Variants in MCPH1 observed in about 807,000 individuals in gnomAD.
MCPH1 encodes the protein microcephalin.
Under a neutral mutation model 84.5 loss-of-function variants are expected in MCPH1, and 104 were observed. That is an observed-to-expected ratio of 1.23 (90% CI 1.05 to 1.45). The LOEUF is 1.45. Ranked by LOEUF, MCPH1 falls within the 40% of genes most tolerant of loss-of-function variation. MCPH1 has a pLI of 0.00. For synonymous variants in MCPH1, 514 were observed against 366.8 expected, an observed-to-expected ratio of 1.40 and a Z score of -4.58; for missense variants, 1,498 against 1,005.7, an observed-to-expected ratio of 1.49 and a Z score of -6.62.
At chr8:6,632,186 A>T (rs888107813) in intron 13 of MCPH1, among the ~76,000 whole-genome samples, 1 of 152,222 alleles carries the variant, frequency 6.6e-6, no homozygotes, top group Non-Finnish European at 1.5e-5. Context: ...GTAGGCAGGA[A>T]GGGAGTGGAG....
intron 13 of MCPH1, among the ~76,000 whole-genome samples, chr8:6,638,564 C>G (rs930567000): frequency 2.0e-5 from 3 of 148,978 alleles, no homozygotes; most frequent in African/African-American, 7.5e-5. Flanking sequence ...CTGCTAAATA[C>G]TGTTGCTTAC....
chr8:6,625,522 A>T (rs1831978111), intron 13 of MCPH1: 1 of 981,302 alleles, frequency 1.0e-6, no homozygotes, highest in South Asian at 4.7e-5. Flanking sequence ...ATCGAAAAAG[A>T]AGTTATTTTG....
At chr8:6,458,843 A>T (rs1202098923) in intron 9 of MCPH1, among the ~76,000 whole-genome samples, 1 of 152,040 alleles carries the variant, frequency 6.6e-6, no homozygotes, top group African/African-American at 2.4e-5. Flanking sequence ...ATGGGGTTTC[A>T]CCATGTTGAC....
Position 6,444,639 on chromosome 8 carries a change from T to C in MCPH1, c.917T>C (p.Ile306Thr), listed in dbSNP as rs750948391. The change falls in exon 8 of 14, where the codon ATT becomes ACT. Residue 306 changes from isoleucine to threonine, a missense_variant. Physicochemically the swap from Ile to Thr is moderately conservative, Grantham distance 89. Coordinates refer to ENST00000344683, the MANE Select transcript of MCPH1 (RefSeq NM_024596.5). ...GAAGAAATAAACTTGCAAAGAAATA[T>C]TGCAGGTAAAGTAGTCACCCCTGAC... ...SKEEINLQRN[I>T]AGKVVTPDQK... 3.1e-6 allele frequency: 5 copies of C among 1,614,110 alleles called. No individual in the cohort carries two copies. The highest frequency in any genetic ancestry group is 4.2e-6 in the Non-Finnish European group (5 of 1,180,038).
chr8:6,506,735 G>A (rs1340842147), intron 12 of MCPH1, among the ~76,000 whole-genome samples: 1 of 151,032 alleles, frequency 6.6e-6, no homozygotes, highest in Middle Eastern at 3.2e-3. Flanking sequence ...GAGGACCTGT[G>A]GTACCAAATA....
At chr8:6,625,796 A>C (rs1330046767) in intron 13 of MCPH1, 3 of 985,092 alleles carry the variant, frequency 3.0e-6, no homozygotes, top group Non-Finnish European at 3.6e-6. Flanking sequence ...AAAAGAAAAA[A>C]AAAAGAATCA....
intron 12 of MCPH1, among the ~76,000 whole-genome samples, chr8:6,598,508 G>C (rs915733051): frequency 6.6e-6 from 1 of 152,224 alleles, no homozygotes; most frequent in Non-Finnish European, 1.5e-5. Flanking sequence ...CGGCCCACCA[G>C]CTCCGCAGAG....
intron 8 of MCPH1, among the ~76,000 whole-genome samples, chr8:6,449,573 C>T (rs1014272397): frequency 7.9e-5 from 12 of 151,392 alleles, no homozygotes; most frequent in African/African-American, 2.7e-4. Context: ...ACAGAGGTTG[C>T]GGTGAGCCGA....
chr8:6,612,549 A>G (rs1450304327), intron 12 of MCPH1, among the ~76,000 whole-genome samples: 3 of 152,060 alleles, frequency 2.0e-5, no homozygotes, highest in African/African-American at 4.8e-5. Flanking sequence ...GCATGTCCTC[A>G]TCCCTGCAGC....
intron 12 of MCPH1, among the ~76,000 whole-genome samples, chr8:6,591,405 T>C (rs1828441245): frequency 1.3e-5 from 2 of 152,210 alleles, no homozygotes; most frequent in Admixed American, 1.3e-4. Flanking sequence ...TGATAAGCCC[T>C]GGTAACGTGA....
chr8:6,633,891 A>G (rs546831926), intron 13 of MCPH1, among the ~76,000 whole-genome samples: 40 of 152,310 alleles, frequency 2.6e-4, no homozygotes, highest in African/African-American at 9.4e-4. Context: ...GATCAGAAAA[A>G]GAGGAATAAT....
chr8:6,582,248 C>T (rs66817215), intron 12 of MCPH1, among the ~76,000 whole-genome samples: 32,091 of 152,166 alleles, frequency 0.21, 3,470 homozygotes, highest in Non-Finnish European at 0.24. Context: ...GCCTTGCATA[C>T]ACAAAGTGCT....
intron 8 of MCPH1, among the ~76,000 whole-genome samples, chr8:6,447,778 C>T (rs2920673): frequency 0.037 from 5,689 of 152,166 alleles, 315 homozygotes; most frequent in African/African-American, 0.12. Flanking sequence ...CTTGAACTCG[C>T]GACCTCATGA....
chr8:6,544,822 C>A (rs914267486), intron 12 of MCPH1, among the ~76,000 whole-genome samples: 1 of 152,136 alleles, frequency 6.6e-6, no homozygotes, highest in African/African-American at 2.4e-5. Context: ...GCTGAACTGT[C>A]GACATCAGGA....
chr8:6,466,145 T>C (rs1806909142), intron 9 of MCPH1, among the ~76,000 whole-genome samples: 1 of 144,672 alleles, frequency 6.9e-6, no homozygotes, highest in South Asian at 2.3e-4. Context: ...TTTTTTTTTT[T>C]TTTTTTTCCT....
rs1286998783 is a variant in MCPH1, at chr8:6,419,169, ACACACACACACACACACACG to A, written c.233+4289_233+4308del. Among the ~76,000 whole-genome samples, 20 of 36,964 alleles carry A rather than the reference ACACACACACACACACACACG, an allele frequency of 5.4e-4. No individual in the cohort carries two copies. In the East Asian group the frequency reaches 0.039, roughly 73 times the overall value. The allele number at this position is 36,964 out of a possible 152,430, so 24.2% of individuals were successfully genotyped here. ...CACACACAGACACACACACACACAC[ACACACACACACACACACACG>A]CATTTTTACCCCAAATACTTATTTG... is the stretch of plus-strand genomic sequence containing the variant. On this transcript the variant is annotated intron_variant, in intron 3 of 13. Coordinates refer to ENST00000344683, the MANE Select transcript of MCPH1 (RefSeq NM_024596.5).
intron 12 of MCPH1, among the ~76,000 whole-genome samples, chr8:6,574,103 T>C (rs1022917726): frequency 2.6e-5 from 4 of 152,040 alleles, no homozygotes; most frequent in African/African-American, 7.2e-5. Flanking sequence ...AAAGAAGAAA[T>C]AGTAAAAACA....
intron 10 of MCPH1, among the ~76,000 whole-genome samples, chr8:6,479,116 G>A (rs1158388398): frequency 6.6e-6 from 1 of 152,062 alleles, no homozygotes; most frequent in East Asian, 1.9e-4. Context: ...AAATGCAAAA[G>A]TTAGCCAGAC....
At chr8:6,581,253 G>A (rs535536146) in intron 12 of MCPH1, among the ~76,000 whole-genome samples, 105 of 152,156 alleles carry the variant, frequency 6.9e-4, no homozygotes, top group Non-Finnish European at 1.3e-3. Context: ...CTAACCATGT[G>A]GGAATTATTT....
Sources: gnomAD v4.1 joint callset for allele counts (sites outside exome capture counted in the v4.1 genomes callset) on GRCh38, gnomAD v4.1.1 for gene constraint, MANE v1.5 for transcripts, NCBI Gene and HGNC (gene_info 2026-07-23, HGNC 2026-07-21) for gene names.